RMND5B: variants seen among roughly 807,000 people sequenced by gnomAD.
The protein encoded by RMND5B is E3 ubiquitin-protein transferase RMND5B.
Under a neutral mutation model 50.4 loss-of-function variants are expected in RMND5B, and 42 were observed. That is an observed-to-expected ratio of 0.83 (90% CI 0.65 to 1.08). The LOEUF is 1.08. Among genes scored for constraint, RMND5B ranks in the 50% least tolerant of loss-of-function variants. The pLI is 0.00. For missense variants in RMND5B, 463 were observed against 508.5 expected, an observed-to-expected ratio of 0.91 and a Z score of 0.86; for synonymous variants, 220 against 210.0, an observed-to-expected ratio of 1.05 and a Z score of -0.41.
Position 178,142,694 on chromosome 5 carries a change from G to A in RMND5B, c.251G>A (p.Ser84Asn). ...GCTTCGGACCATAAGGACATTCACA[G>A]CAGTGTATCCCGAGTGGGCAAAGCC... ...KLASDHKDIHSSVSRVGKAID... is the reference protein window; with the variant it reads ...KLASDHKDIHNSVSRVGKAID... The change falls in exon 4 of 11, where the codon AGC becomes AAC. Residue 84 changes from serine (S) to asparagine (N), a missense_variant. Transcript: ENST00000313386. The A allele has an allele frequency of 4.3e-6, 7 of 1,614,240 alleles. No individual in the cohort carries two copies. Among genetic ancestry groups the A allele is most frequent in the Non-Finnish European group, 5.9e-6 (7 of 1,180,038 alleles).
intron 3 of RMND5B, 86 bp from the exon 4 acceptor site, chr5:178,142,493 GGGCT>G: frequency 6.9e-7 from 1 of 1,444,154 alleles, no homozygotes. Context: ...CTGGGCTACG[GGGCT>G]GGCATTTAGA....
chr5:178,143,749 C>T, intron 6 of RMND5B, 22 bp downstream of exon 6: 1 of 1,572,978 alleles, frequency 6.4e-7, no homozygotes, highest in Non-Finnish European at 8.8e-7. Flanking sequence ...CTTGGGTGGG[C>T]CAGCAGCATT....
At chr5:178,134,970 C>T (rs528501650) in intron 2 of RMND5B, among the ~76,000 whole-genome samples, 39 of 96,712 alleles carry the variant, frequency 4.0e-4, no homozygotes, top group African/African-American at 1.2e-3. Flanking sequence ...AGAGCGAGAC[C>T]GTCTACAAAA....
In RMND5B at chr5:178,149,896, AGTCACCAAC is replaced by A. The variant is rs1561643668; in HGVS notation, c.*1865_*1873del. ...AAGCTGTACAACCTGTATGCCAGGA[AGTCACCAAC>A]TGATGACCCACCAGCCTAATCTGGC... On this transcript the variant is annotated 3_prime_UTR_variant, in exon 11 of 11. Transcript: ENST00000313386. 1 of 1,593,496 alleles carries A rather than the reference AGTCACCAAC, an allele frequency of 6.3e-7. No individual in the cohort carries two copies. The highest frequency in any genetic ancestry group is 8.6e-7 in the Non-Finnish European group (1 of 1,166,232).
At chr5:178,146,583 CT>C in intron 8 of RMND5B, 1 of 317,218 alleles carries the variant, frequency 3.2e-6, no homozygotes, top group Non-Finnish European at 5.9e-6. Flanking sequence ...ACCTTCCCAG[CT>C]AACCCACGCC....
chr5:178,134,472 A>C (rs1758506599), intron 2 of RMND5B, among the ~76,000 whole-genome samples: 1 of 152,092 alleles, frequency 6.6e-6, no homozygotes, highest in Non-Finnish European at 1.5e-5. Flanking sequence ...CTTGGGGAGG[A>C]AGGCTTAGGA....
chr5:178,144,720 G>GAAAAAAAAAAAAAAAAAAAAAAA lies in RMND5B; in HGVS notation c.694+625_694+626insAAAAAAAAAAAAAAAAAAAAAAA, dbSNP rs111233356. 1.2e-4 allele frequency among the ~76,000 whole-genome samples: 13 copies of GAAAAAAAAAAAAAAAAAAAAAAA among 111,754 alleles called. 1 individual carries two copies. Among genetic ancestry groups the GAAAAAAAAAAAAAAAAAAAAAAA allele is most frequent in the African/African-American group, 1.8e-4 (5 of 28,362 alleles). 73.3% of individuals were successfully genotyped at this position (111,754 alleles called of 152,430 possible). ...GGTGACAGAGTGAGACTCCGTCTCA[G>GAAAAAAAAAAAAAAAAAAAAAAA]AAAAAAAAAAAAAGACTTGTCTGGG... On this transcript the variant is annotated intron_variant, in intron 7 of 10. Transcript: ENST00000313386.
intron 7 of RMND5B, among the ~76,000 whole-genome samples, chr5:178,145,235 C>A (rs917025783): frequency 1.3e-5 from 2 of 151,458 alleles, no homozygotes; most frequent in African/African-American, 4.9e-5. Context: ...ACCTGTAATC[C>A]CAGCACTTTG....
rs766477668 is a variant in RMND5B at position 178,138,213 on chromosome 5, C to T, written c.94C>T (p.Leu32=). 2 of 1,613,978 alleles carry T rather than the reference C, an allele frequency of 1.2e-6. No individual in the cohort carries two copies. Among genetic ancestry groups the T allele is most frequent in the Non-Finnish European group, 1.7e-6 (2 of 1,179,972 alleles). ...GQHCERSLEE[L]LHYVGQLRAE... ...GCACTGTGAGCGGAGCCTGGAGGAG[C>T]TGCTGCACTACGTGGGCCAGCTGCG... is the stretch of plus-strand genomic sequence containing the variant. Residue 32 remains leucine, a synonymous_variant, in exon 3 of 11, where the codon CTG becomes TTG. Coordinates refer to ENST00000313386, the MANE Select transcript of RMND5B (RefSeq NM_022762.5). The surrounding 1 kb of genome is among the most constrained non-coding windows in gnomAD (Gnocchi z 5.1).
intron 7 of RMND5B, 142 bp downstream of exon 7, chr5:178,144,250 A>C (rs1581126072): frequency 1.2e-6 from 1 of 815,180 alleles, no homozygotes; most frequent in Non-Finnish European, 1.9e-6. Context: ...AACTTCTCTG[A>C]CCCCTCGTGT....
chr5:178,138,179 C>T lies in RMND5B; in HGVS notation c.60C>T (p.Thr20=). Residue 20 remains threonine (T), a synonymous_variant, in exon 3 of 11, where the codon ACC becomes ACT. Transcript: ENST00000313386. The surrounding 1 kb of genome is among the most constrained non-coding windows in gnomAD (Gnocchi z 5.1). ...ACAAGGTCCTGCAGAAGTTCCTGACCTACGGGCAGCACTGTGAGCGGAGCC... is the reference window on the plus strand; with the variant it reads ...ACAAGGTCCTGCAGAAGTTCCTGACTTACGGGCAGCACTGTGAGCGGAGCC... ...ELDKVLQKFL[T]YGQHCERSLE... is the part of the protein sequence containing the mutation. 3 of 1,613,692 alleles carry T rather than the reference C, an allele frequency of 1.9e-6. No individual in the cohort carries two copies. Among genetic ancestry groups the T allele is most frequent in the Non-Finnish European group, 2.5e-6 (3 of 1,179,792 alleles).
chr5:178,142,517 A>G, intron 3 of RMND5B, 66 bp from the exon 4 acceptor site: 4 of 1,542,586 alleles, frequency 2.6e-6, no homozygotes, highest in Non-Finnish European at 3.5e-6. Flanking sequence ...AATAGAGCTA[A>G]GGTCTGCTGC....
At chr5:178,131,794 TGA>T (rs1440036773) in intron 2 of RMND5B, among the ~76,000 whole-genome samples, 1 of 152,046 alleles carries the variant, frequency 6.6e-6, no homozygotes, top group South Asian at 2.1e-4. Flanking sequence ...AGAAATCAAC[TGA>T]GAGTATAGTC....
At chr5:178,134,971 G>C (rs1254592548) in intron 2 of RMND5B, among the ~76,000 whole-genome samples, 1 of 85,414 alleles carries the variant, frequency 1.2e-5, no homozygotes, top group African/African-American at 4.5e-5. Context: ...GAGCGAGACC[G>C]TCTACAAAAA....
In RMND5B at chr5:178,141,052, A is replaced by ATCACTTCACAC. The variant is rs1177025954; in HGVS notation, c.140-1527_140-1517dup. ...AGCTTTCCCTTCTCCTTTCATTATT[A>ATCACTTCACAC]TCACTTCACACTCATATTCTTATTT... On this transcript the variant is annotated intron_variant, in intron 3 of 10. Coordinates refer to ENST00000313386, the MANE Select transcript of RMND5B (RefSeq NM_022762.5). 3.3e-5 allele frequency among the ~76,000 whole-genome samples: 5 copies of ATCACTTCACAC among 152,166 alleles called. No homozygotes were observed. The East Asian group carries it at 7.7e-4, about 23-fold the overall frequency.
At position 178,138,834 on chromosome 5, in the gene RMND5B, A is replaced by C. The variant is rs1344170291; in HGVS notation, c.139+576A>C. On this transcript the variant is annotated intron_variant, in intron 3 of 10. Coordinates refer to ENST00000313386, the MANE Select transcript of RMND5B (RefSeq NM_022762.5). The surrounding 1 kb of genome is among the most constrained non-coding windows in gnomAD (Gnocchi z 5.1). ...CATTTGAAAATAAGTTGTAGATAAC[A>C]TAGCCCCAAGCCTTCAGTGTGTATG... is the stretch of plus-strand genomic sequence containing the variant. Among the ~76,000 whole-genome samples the C allele has an allele frequency of 6.6e-6, 1 of 152,236 alleles. No individual in the cohort carries two copies. The highest frequency in any genetic ancestry group is 1.5e-5 in the Non-Finnish European group (1 of 68,038).
chr5:178,134,901 C>CG (rs1251420880), intron 2 of RMND5B, among the ~76,000 whole-genome samples: 1 of 148,918 alleles, frequency 6.7e-6, no homozygotes, highest in Non-Finnish European at 1.5e-5. Context: ...TGCTTGGACC[C>CG]GGGAGGTGGA....
At chr5:178,143,039 C>G (rs1445274898) in intron 5 of RMND5B, 47 bp downstream of exon 5, 2 of 1,574,542 alleles carry the variant, frequency 1.3e-6, no homozygotes, top group South Asian at 1.2e-5. Context: ...CTCTGCCTTT[C>G]ACCTGCTAGT....
intron 4 of RMND5B, 52 bp from the exon 5 acceptor site, chr5:178,142,800 G>C: frequency 6.2e-7 from 1 of 1,614,270 alleles, no homozygotes; most frequent in Non-Finnish European, 8.5e-7. Context: ...ACTCGAAGGA[G>C]AGCCAGCAAG....
Sources: gnomAD v4.1 joint callset for allele counts (sites outside exome capture counted in the v4.1 genomes callset) on GRCh38, gnomAD v4.1.1 for gene constraint, Gnocchi (gnomAD v3.1) non-coding constraint, MANE v1.5 for transcripts, NCBI Gene and HGNC (gene_info 2026-07-23, HGNC 2026-07-21) for gene names.